Variants in RBFOX1 observed in about 807,000 individuals in gnomAD.
RBFOX1 encodes the protein RNA binding protein fox-1 homolog 1.
A neutral mutation model predicts 57.7 loss-of-function variants in RBFOX1; 8 were observed. The ratio of observed to expected loss-of-function variants is 0.14; its 90% CI spans 0.08 to 0.25. The LOEUF is 0.25. Among genes scored for constraint, RBFOX1 ranks in the 10% least tolerant of loss-of-function variants. The pLI is 1.00. For synonymous variants in RBFOX1, 326 were observed against 222.4 expected, an observed-to-expected ratio of 1.47 and a Z score of -4.15; for missense variants, 611 against 548.5, an observed-to-expected ratio of 1.11 and a Z score of -1.14.
Position 6,632,983 on chromosome 16 carries a change from A to G in RBFOX1, c.-63-21620A>G, listed in dbSNP as rs1032944180. On this transcript the variant is annotated intron_variant, in intron 2 of 15. Coordinates refer to ENST00000550418, the MANE Select transcript of RBFOX1 (RefSeq NM_018723.4). ...TCTGGCAGAGGTTACAAAAATAAAT[A>G]AATAAATATAAAAAGGAGAGGGATG... Among the ~76,000 whole-genome samples, 8 of 152,184 alleles carry G rather than the reference A, an allele frequency of 5.3e-5. No homozygotes were observed. The East Asian group carries it at 1.5e-3, about 29-fold the overall frequency.
At chr16:6,506,907 C>G (rs987421437) in intron 2 of RBFOX1, among the ~76,000 whole-genome samples, 1 of 152,114 alleles carries the variant, frequency 6.6e-6, no homozygotes, top group Admixed American at 6.5e-5. Context: ...CTTGGCCTCC[C>G]AAAGTGCTGG....
chr16:6,355,689 A>G (rs1264767682), intron 2 of RBFOX1, among the ~76,000 whole-genome samples: 1 of 152,174 alleles, frequency 6.6e-6, no homozygotes, highest in African/African-American at 2.4e-5. Context: ...TTCTAGTTCT[A>G]GATACTTGAG....
intron 4 of RBFOX1, among the ~76,000 whole-genome samples, chr16:5,916,905 G>C (rs935723261): frequency 6.6e-6 from 1 of 152,158 alleles, no homozygotes; most frequent in African/African-American, 2.4e-5. Flanking sequence ...GGTGACTCCT[G>C]CCTCAGGACT....
At chr16:7,522,608 G>C (rs1052078322) in intron 5 of RBFOX1, among the ~76,000 whole-genome samples, 1 of 152,300 alleles carries the variant, frequency 6.6e-6, no homozygotes, top group East Asian at 1.9e-4. Context: ...GATTGCATCT[G>C]AGAAGCAAAG....
chr16:5,912,781 C>A (rs560492734), intron 4 of RBFOX1, among the ~76,000 whole-genome samples: 1 of 152,020 alleles, frequency 6.6e-6, no homozygotes, highest in Non-Finnish European at 1.5e-5. Context: ...TAATTAGAGG[C>A]GGCAGAGTTG....
intron 2 of RBFOX1, among the ~76,000 whole-genome samples, chr16:6,501,317 T>G (rs1212773406): frequency 4.7e-4 from 51 of 107,814 alleles, no homozygotes; most frequent in African/African-American, 1.7e-3. Context: ...CAGTCCCCGG[T>G]GTGTGATGTT....
intron 3 of RBFOX1, among the ~76,000 whole-genome samples, chr16:7,020,971 T>C (rs532258422): frequency 9.2e-5 from 14 of 152,156 alleles, no homozygotes; most frequent in African/African-American, 3.4e-4. Flanking sequence ...TACTTAAAAA[T>C]ACAAAAATTA....
At chr16:5,287,458 G>T (rs757447969) in intron 1 of RBFOX1, among the ~76,000 whole-genome samples, 16 of 152,184 alleles carry the variant, frequency 1.1e-4, no homozygotes, top group African/African-American at 3.9e-4. Context: ...TTAAAAATTG[G>T]TTAAAATCTA....
At chr16:7,223,531 A>T (rs1366644033) in intron 4 of RBFOX1, among the ~76,000 whole-genome samples, 1 of 152,034 alleles carries the variant, frequency 6.6e-6, no homozygotes. Context: ...ACTTATCAGA[A>T]CTCCAAATTT....
intron 3 of RBFOX1, among the ~76,000 whole-genome samples, chr16:5,759,418 T>G (rs2151640102): frequency 6.6e-6 from 1 of 152,340 alleles, no homozygotes; most frequent in Non-Finnish European, 1.5e-5. Context: ...TGACCTCTCA[T>G]TTGCCTCCTC....
At chr16:5,449,663 C>A (rs758172488) in intron 1 of RBFOX1, among the ~76,000 whole-genome samples, 2 of 152,174 alleles carry the variant, frequency 1.3e-5, no homozygotes, top group Non-Finnish European at 2.9e-5. Flanking sequence ...AGGATGAGAA[C>A]AGTGGCACAA....
chr16:7,529,497 A>G (rs2079483961), intron 5 of RBFOX1, among the ~76,000 whole-genome samples: 1 of 152,224 alleles, frequency 6.6e-6, no homozygotes, highest in African/African-American at 2.4e-5. Flanking sequence ...GTCCCTATCC[A>G]TCCATCCAAT....
intron 2 of RBFOX1, among the ~76,000 whole-genome samples, chr16:6,575,024 C>G (rs1299323122): frequency 2.3e-5 from 3 of 130,778 alleles, no homozygotes; most frequent in East Asian, 4.9e-4. Context: ...GGGGACAGAG[C>G]GAGACTCCGT....
At chr16:7,281,540 A>G (rs1438764385) in intron 4 of RBFOX1, among the ~76,000 whole-genome samples, 1 of 152,118 alleles carries the variant, frequency 6.6e-6, no homozygotes, top group East Asian at 1.9e-4. Flanking sequence ...ACCATTATGT[A>G]AGTGTTAACT....
intron 2 of RBFOX1, among the ~76,000 whole-genome samples, chr16:6,644,858 A>G (rs1048842095): frequency 5.9e-5 from 9 of 152,176 alleles, no homozygotes; most frequent in East Asian, 5.8e-4. Flanking sequence ...ATCTTTTTTC[A>G]GTATTAAGTA....
At chr16:6,970,369 C>T (rs959930657) in intron 3 of RBFOX1, among the ~76,000 whole-genome samples, 1 of 152,128 alleles carries the variant, frequency 6.6e-6, no homozygotes, top group African/African-American at 2.4e-5. Context: ...TTCTCAGTTG[C>T]AAGACAGGTA....
chr16:6,560,962 A>G (rs753408846), intron 2 of RBFOX1, among the ~76,000 whole-genome samples: 4 of 152,220 alleles, frequency 2.6e-5, no homozygotes, highest in Non-Finnish European at 2.9e-5. Flanking sequence ...TGTGCTGTAG[A>G]TAGTCAATGT....
intron 3 of RBFOX1, among the ~76,000 whole-genome samples, chr16:5,756,820 C>G (rs746653926): frequency 1.3e-5 from 2 of 152,268 alleles, no homozygotes; most frequent in South Asian, 2.1e-4. Flanking sequence ...AGGTGGACTT[C>G]TCAATAATAC....
At chr16:7,472,990 CT>C (rs1340821598) in intron 4 of RBFOX1, among the ~76,000 whole-genome samples, 1 of 121,216 alleles carries the variant, frequency 8.2e-6, no homozygotes, top group Non-Finnish European at 1.9e-5. Flanking sequence ...TGTCAGCAAG[CT>C]CTCCATTCCT....
Sources: allele counts gnomAD v4.1 joint callset (sites outside exome capture counted in the v4.1 genomes callset), GRCh38; gene constraint gnomAD v4.1.1; transcripts MANE v1.5; gene names NCBI Gene and HGNC (gene_info 2026-07-23, HGNC 2026-07-21).